ACAD11: variants seen among roughly 807,000 people sequenced by gnomAD.
ACAD11 encodes the protein acyl-Coenzyme A dehydrogenase family, member 11.
Under a neutral mutation model 102.2 loss-of-function variants are expected in ACAD11, and 83 were observed. The observed-to-expected ratio is 0.81, with a 90% confidence interval of 0.68 to 0.97. The LOEUF (loss-of-function observed/expected upper bound fraction) is 0.97. Ranked by LOEUF, ACAD11 falls within the 50% of genes least tolerant of loss-of-function variation. The probability of loss-of-function intolerance (pLI) is 0.00; values close to 1 mark genes in which losing one functional copy is unlikely to be tolerated. For missense variants in ACAD11, 901 were observed against 951.7 expected, an observed-to-expected ratio of 0.95 and a Z score of 0.70; for synonymous variants, 324 against 319.8, an observed-to-expected ratio of 1.01 and a Z score of -0.14.
intron 5 of ACAD11, among the ~76,000 whole-genome samples, chr3:132,633,137 T>C (rs1329626005): frequency 1.3e-5 from 2 of 152,240 alleles, no homozygotes; most frequent in Admixed American, 6.5e-5. Flanking sequence ...AGAGAGGGCA[T>C]CCCTATCTTG....
chr3:132,582,906 T>A (rs1467443881), intron 13 of ACAD11, among the ~76,000 whole-genome samples: 1 of 152,132 alleles, frequency 6.6e-6, no homozygotes, highest in Admixed American at 6.6e-5. Flanking sequence ...TGATTTTATA[T>A]ACGACTAAAA....
chr3:132,647,451 G>T (rs1940757294), intron 1 of ACAD11: 1 of 152,186 alleles, frequency 6.6e-6, no homozygotes, highest in Non-Finnish European at 1.5e-5. Context: ...GCATGTAAGT[G>T]TGCAGCCATG....
In ACAD11 at chr3:132,579,722, C is replaced by T. The variant is rs188456376; in HGVS notation, c.1622-164G>A. ...ATTCTTTTGTAACACTCTATATCAT[C>T]CAAGAAAAATGATTAGGCAAGGCCA... On this transcript the variant is annotated intron_variant, in intron 13 of 19. Coordinates refer to ENST00000264990, the MANE Select transcript of ACAD11 (RefSeq NM_032169.5). Among the ~76,000 whole-genome samples the T allele has an allele frequency of 5.5e-4, 83 of 152,182 alleles. 1 individual carries two copies. The Middle Eastern group carries it at 0.014, about 25-fold the overall frequency.
At chr3:132,578,178 G>C (rs771043104) in intron 15 of ACAD11, among the ~76,000 whole-genome samples, 21 of 152,140 alleles carry the variant, frequency 1.4e-4, no homozygotes, top group Non-Finnish European at 2.6e-4. Flanking sequence ...GGCCAACATG[G>C]TGAAAGCCCG....
At chr3:132,636,987 A>G (rs1471308628) in intron 5 of ACAD11, among the ~76,000 whole-genome samples, 4 of 152,098 alleles carry the variant, frequency 2.6e-5, no homozygotes, top group African/African-American at 4.8e-5. Context: ...CCATTTTTTA[A>G]ATGTCACAGG....
At chr3:132,634,410 G>A (rs1385480295) in intron 5 of ACAD11, among the ~76,000 whole-genome samples, 1 of 152,058 alleles carries the variant, frequency 6.6e-6, no homozygotes, top group Non-Finnish European at 1.5e-5. Context: ...GAAACAACAG[G>A]TGCTGGAGAG....
At chr3:132,572,292 A>G (rs1419290478) in intron 17 of ACAD11, among the ~76,000 whole-genome samples, 2 of 152,198 alleles carry the variant, frequency 1.3e-5, no homozygotes, top group East Asian at 3.8e-4. Context: ...TCCCATTCAC[A>G]GTTGCCACAA....
intron 11 of ACAD11, among the ~76,000 whole-genome samples, chr3:132,612,858 C>A (rs1939216958): frequency 6.6e-6 from 1 of 151,998 alleles, no homozygotes; most frequent in Admixed American, 6.5e-5. Flanking sequence ...CCATTTGACC[C>A]AGCCATCCCA....
chr3:132,584,252 G>C (rs753367609), intron 13 of ACAD11, among the ~76,000 whole-genome samples: 1 of 152,126 alleles, frequency 6.6e-6, no homozygotes, highest in Admixed American at 6.5e-5. Context: ...CCTATATCGG[G>C]TGCATATATA....
At chr3:132,561,444 A>G (rs1937054208) in intron 17 of ACAD11, 2 of 495,656 alleles carry the variant, frequency 4.0e-6, no homozygotes, top group Non-Finnish European at 7.6e-6. Flanking sequence ...TTTAGAAAGA[A>G]ATTTTATTTT....
intron 9 of ACAD11, among the ~76,000 whole-genome samples, chr3:132,624,300 T>C (rs997012681): frequency 2.1e-5 from 3 of 139,778 alleles, no homozygotes; most frequent in African/African-American, 5.5e-5. Context: ...CAAGACCCTG[T>C]CTCTTGAAGG....
At chr3:132,593,020 T>C (rs188107441) in intron 13 of ACAD11, among the ~76,000 whole-genome samples, 3 of 151,686 alleles carry the variant, frequency 2.0e-5, no homozygotes, top group Admixed American at 2.0e-4. Context: ...AAATCCCAAA[T>C]AGAGCAGAGT....
chr3:132,610,150 C>G (rs1318053311), intron 11 of ACAD11, among the ~76,000 whole-genome samples: 1 of 152,116 alleles, frequency 6.6e-6, no homozygotes, highest in Non-Finnish European at 1.5e-5. Context: ...CTATTTATGA[C>G]AAACCCACAG....
At chr3:132,582,329 CAG>C (rs961754155) in intron 13 of ACAD11, among the ~76,000 whole-genome samples, 1 of 140,024 alleles carries the variant, frequency 7.1e-6, no homozygotes, top group African/African-American at 2.8e-5. Context: ...GAACTACAAA[CAG>C]AAACTGTTAA....
chr3:132,566,296 C>CAAAAAAAAAAAAAAAAAAAAAA (rs371477145), intron 17 of ACAD11, among the ~76,000 whole-genome samples: 14 of 61,844 alleles, frequency 2.3e-4, no homozygotes, highest in African/African-American at 5.6e-4. Flanking sequence ...AAAACAAACT[C>CAAAAAAAAAAAAAAAAAAAAAA]AAAAAAACAA....
At chr3:132,602,679 C>T (rs559259964) in intron 13 of ACAD11, among the ~76,000 whole-genome samples, 24 of 152,080 alleles carry the variant, frequency 1.6e-4, no homozygotes, top group Non-Finnish European at 3.2e-4. Flanking sequence ...TCTAAAACTA[C>T]AAAAAATGAC....
intron 1 of ACAD11, among the ~76,000 whole-genome samples, chr3:132,650,607 A>T (rs1408000835): frequency 6.6e-6 from 1 of 152,202 alleles, no homozygotes; most frequent in Non-Finnish European, 1.5e-5. Context: ...CACATGATAA[A>T]TAGGTAGAAA....
chr3:132,611,730 C>T (rs2107837452), intron 11 of ACAD11, among the ~76,000 whole-genome samples: 1 of 152,036 alleles, frequency 6.6e-6, no homozygotes, highest in South Asian at 2.1e-4. Context: ...AAAGAGGATA[C>T]AAAGAAATGG....
chr3:132,625,001 G>A (rs1939757540), intron 9 of ACAD11, among the ~76,000 whole-genome samples: 1 of 152,150 alleles, frequency 6.6e-6, no homozygotes, highest in Non-Finnish European at 1.5e-5. Flanking sequence ...ATTTTTTGGA[G>A]TGCTGTTGCA....
Sources: gnomAD v4.1 joint callset for allele counts (sites outside exome capture counted in the v4.1 genomes callset) on GRCh38, gnomAD v4.1.1 for gene constraint, MANE v1.5 for transcripts, NCBI Gene and HGNC (gene_info 2026-07-23, HGNC 2026-07-21) for gene names.